Variants in GREB1L observed in about 807,000 individuals in gnomAD.
The protein encoded by GREB1L is GREB1-like protein.
A neutral mutation model predicts 200.8 loss-of-function variants in GREB1L; 17 were observed. The observed-to-expected ratio is 0.08, with a 90% CI of 0.06 to 0.13. The LOEUF is 0.13. Among genes scored for constraint, GREB1L ranks in the 10% least tolerant of loss-of-function variants. The probability of loss-of-function intolerance (pLI) is 1.00; values close to 1 mark genes in which losing one functional copy is unlikely to be tolerated. For missense variants in GREB1L, 1,657 were observed against 2,367.7 expected, an observed-to-expected ratio of 0.70 and a Z score of 6.23; for synonymous variants, 789 against 893.0, an observed-to-expected ratio of 0.88 and a Z score of 2.08.
In GREB1L at chr18:21,340,462, G is replaced by C. The variant is rs145299980; in HGVS notation, c.-119-25565G>C. On this transcript the variant is annotated intron_variant, in intron 1 of 32. Coordinates refer to ENST00000424526, the MANE Select transcript of GREB1L (RefSeq NM_001142966.3). Reference sequence around the variant, plus strand: ...AAAAAACCACATTGGTTTGGAGTCAGAGGACATGCATTTGAGTGTCAGTAT... The same window carrying C: ...AAAAAACCACATTGGTTTGGAGTCACAGGACATGCATTTGAGTGTCAGTAT... Among the ~76,000 whole-genome samples the C allele has an allele frequency of 1.3e-3, 193 of 152,082 alleles. No homozygotes were observed. The Middle Eastern group carries it at 0.014, about 11-fold the overall frequency.
At chr18:21,436,834 C>T (rs1482319224) in intron 7 of GREB1L, among the ~76,000 whole-genome samples, 3 of 151,798 alleles carry the variant, frequency 2.0e-5, no homozygotes, top group African/African-American at 7.3e-5. Flanking sequence ...CCTCAGCCTC[C>T]CAAGTAGCTG....
chr18:21,315,935 T>C (rs1353106135), intron 1 of GREB1L, among the ~76,000 whole-genome samples: 3 of 152,156 alleles, frequency 2.0e-5, no homozygotes, highest in East Asian at 1.9e-4. Context: ...CAACACTCTG[T>C]GACCCGACCC....
At chr18:21,487,407 A>T (rs1039098580) in intron 18 of GREB1L, among the ~76,000 whole-genome samples, 2 of 152,198 alleles carry the variant, frequency 1.3e-5, no homozygotes, top group African/African-American at 4.8e-5. Context: ...TGGCTTTTCT[A>T]CGTGGCCCAG....
intron 1 of GREB1L, among the ~76,000 whole-genome samples, chr18:21,273,632 A>T (rs2038114324): frequency 6.6e-6 from 1 of 152,336 alleles, no homozygotes; most frequent in South Asian, 2.1e-4. Flanking sequence ...CTGGGAGTTC[A>T]TAATTTGTCT....
chr18:21,358,550 C>T (rs1314789421), intron 1 of GREB1L, among the ~76,000 whole-genome samples: 1 of 152,148 alleles, frequency 6.6e-6, no homozygotes, highest in Non-Finnish European at 1.5e-5. Flanking sequence ...CTCCTGACCT[C>T]GTGATCCGCC....
At chr18:21,395,973 C>T (rs1223270290) in intron 5 of GREB1L, among the ~76,000 whole-genome samples, 2 of 151,794 alleles carry the variant, frequency 1.3e-5, no homozygotes, top group Non-Finnish European at 2.9e-5. Flanking sequence ...CGTGATCTGC[C>T]CACCTCGGAC....
intron 27 of GREB1L, among the ~76,000 whole-genome samples, chr18:21,509,955 C>T (rs2037172205): frequency 6.6e-6 from 1 of 151,938 alleles, no homozygotes; most frequent in African/African-American, 2.4e-5. Context: ...GCCTGTAATC[C>T]CAGCACTTTG....
At chr18:21,279,946 G>T (rs895925765) in intron 1 of GREB1L, among the ~76,000 whole-genome samples, 1 of 152,090 alleles carries the variant, frequency 6.6e-6, no homozygotes, top group Non-Finnish European at 1.5e-5. Flanking sequence ...CAAATATACC[G>T]TTTTGAACCC....
intron 1 of GREB1L, among the ~76,000 whole-genome samples, chr18:21,249,788 A>T (rs533210731): frequency 5.9e-5 from 9 of 151,796 alleles, no homozygotes; most frequent in African/African-American, 2.2e-4. Context: ...TGAACTCCGG[A>T]GGCGGAAGTT....
At chr18:21,416,010 TC>T (rs2144778939) in intron 7 of GREB1L, among the ~76,000 whole-genome samples, 1 of 152,154 alleles carries the variant, frequency 6.6e-6, no homozygotes, top group East Asian at 1.9e-4. Context: ...AGGAGATTAA[TC>T]AATCAAAACC....
At chr18:21,348,350 C>A (rs1047073414) in intron 1 of GREB1L, among the ~76,000 whole-genome samples, 1 of 151,956 alleles carries the variant, frequency 6.6e-6, no homozygotes, top group Non-Finnish European at 1.5e-5. Context: ...TCACCAGTAC[C>A]CATAGCAGCT....
intron 1 of GREB1L, among the ~76,000 whole-genome samples, chr18:21,304,718 T>G (rs969153767): frequency 6.6e-6 from 1 of 151,848 alleles, no homozygotes; most frequent in Non-Finnish European, 1.5e-5. Flanking sequence ...AAAGAAAAAA[T>G]AAAAAATAAC....
At chr18:21,274,038 C>T (rs1301787514) in intron 1 of GREB1L, among the ~76,000 whole-genome samples, 1 of 151,924 alleles carries the variant, frequency 6.6e-6, no homozygotes, top group Non-Finnish European at 1.5e-5. Flanking sequence ...ACAAAAATAC[C>T]ACAAACTGGT....
chr18:21,268,853 G>A (rs1598617701), intron 1 of GREB1L, among the ~76,000 whole-genome samples: 1 of 151,728 alleles, frequency 6.6e-6, no homozygotes, highest in East Asian at 2.0e-4. Flanking sequence ...CAAAGTGCTG[G>A]GATTACAGGT....
intron 5 of GREB1L, among the ~76,000 whole-genome samples, chr18:21,399,453 T>TGGTTGGATGGATGGA (rs2041220148): frequency 1.4e-4 from 21 of 146,086 alleles, no homozygotes; most frequent in African/African-American, 5.1e-4. Context: ...GGATGGATGG[T>TGGTTGGATGGATGGA]TGGATGGATG....
At chr18:21,251,944 C>CAA (rs11422185) in intron 1 of GREB1L, among the ~76,000 whole-genome samples, 1,135 of 72,646 alleles carry the variant, frequency 0.016, 32 homozygotes, top group African/African-American at 0.038. Flanking sequence ...GACTCCATCT[C>CAA]AAAAAAAAAA....
chr18:21,417,022 A>C (rs997667780), intron 7 of GREB1L, among the ~76,000 whole-genome samples: 1 of 152,090 alleles, frequency 6.6e-6, no homozygotes. Context: ...TCCATCTCAA[A>C]TAAATAAATA....
chr18:21,334,561 C>T (rs182689442), intron 1 of GREB1L, among the ~76,000 whole-genome samples: 1 of 152,000 alleles, frequency 6.6e-6, no homozygotes, highest in African/African-American at 2.4e-5. Context: ...GTCAGGAGAT[C>T]GAGACCATCC....
intron 1 of GREB1L, among the ~76,000 whole-genome samples, chr18:21,271,550 G>A (rs1335176882): frequency 1.3e-5 from 2 of 151,386 alleles, no homozygotes. Flanking sequence ...TACTTGGGAG[G>A]CTGAGGTGGG....
Sources: allele counts gnomAD v4.1 joint callset (sites outside exome capture counted in the v4.1 genomes callset), GRCh38; gene constraint gnomAD v4.1.1; transcripts MANE v1.5; gene names NCBI Gene and HGNC (gene_info 2026-07-23, HGNC 2026-07-21).